The following EME2 variants were observed in gnomAD, a reference collection of about 807,000 sequenced individuals.
The protein encoded by EME2 is structure-specific endonuclease subunit EME2.
EME2 carries 58 observed loss-of-function variants against 41.9 expected under a neutral mutation model. The observed-to-expected ratio is 1.38, with a 90% confidence interval of 1.12 to 1.72. The LOEUF is 1.72. Ranked by LOEUF, EME2 falls within the 40% of genes most tolerant of loss-of-function variation. The pLI is 0.00. For synonymous variants in EME2, 334 were observed against 239.3 expected (o/e 1.40, Z -3.65); for missense variants, 695 against 541.9 (o/e 1.28, Z -2.81).
rs1172662109 is a variant in EME2, at chr16:1,775,572, C to T, written c.667C>T (p.Leu223=). The T allele has an allele frequency of 1.2e-6, 2 of 1,612,816 alleles. No homozygotes were observed. The highest frequency in any genetic ancestry group is 1.7e-6 in the Non-Finnish European group (2 of 1,179,966). ...CATCAGCTTGCCTCCTCCCCAGGCC[C>T]TGGTACTCCTGCAGCTCTGGGCAAA... The part of the protein sequence containing the change: ...AVSWPEVEEA[L]VLLQLWANLD... The change falls in exon 6 of 8, where the codon CTG becomes TTG. Residue 223 remains leucine (L), a synonymous_variant. Coordinates refer to ENST00000568449, the MANE Select transcript of EME2 (RefSeq NM_001257370.2).
chr16:1,778,316 C>A lies in EME2; in HGVS notation c.*2078C>A. Reference sequence around the variant, plus strand: ...TTATTTAAGTCATCCCAGACCCAGTCGAAATCTGCAAGAGAGGCCCAGGCT... The same window carrying A: ...TTATTTAAGTCATCCCAGACCCAGTAGAAATCTGCAAGAGAGGCCCAGGCT... On this transcript the variant is annotated 3_prime_UTR_variant, in exon 8 of 8. Coordinates refer to ENST00000568449, the MANE Select transcript of EME2 (RefSeq NM_001257370.2). 2 of 1,612,240 alleles carry A rather than the reference C, an allele frequency of 1.2e-6. No individual in the cohort carries two copies. Among genetic ancestry groups the A allele is most frequent in the South Asian group, 2.2e-5 (2 of 91,038 alleles).
In EME2 at chr16:1,775,668, G is replaced by C. The variant is rs376746938; in HGVS notation, c.763G>C (p.Ala255Pro). 6.2e-7 allele frequency: 1 copy of C among 1,612,778 alleles called. No homozygotes were observed. Among genetic ancestry groups the C allele is most frequent in the African/African-American group, 1.3e-5 (1 of 74,932 alleles). Residue 255 changes from alanine to proline, a missense_variant, in exon 6 of 8, where the codon GCC becomes CCC. Transcript: ENST00000568449. ...CGTGTGCGCCGTTACCAAGGCTCTC[G>C]CCCAGTATCCCCTCAAGTGCGTGAT... ...RHVCAVTKAL[A>P]QYPLKQYRES...
rs1303372816 is a variant in EME2, at chr16:1,773,180, C to T, written c.-48C>T. ...CACCGGAAGAGGCCGGTGTCCCAGG[C>T]TAAAGTGTTCGGTCGCGGCCGGAAG... is the stretch of plus-strand genomic sequence containing the variant. On this transcript the variant is annotated 5_prime_UTR_variant, in exon 1 of 8. Transcript: ENST00000568449. 1 of 1,431,314 alleles carries T rather than the reference C, an allele frequency of 7.0e-7. No homozygotes were observed. The highest frequency in any genetic ancestry group is 2.9e-5 in the Admixed American group (1 of 34,478). 88.7% of individuals were successfully genotyped at this position (1,431,314 alleles called of 1,614,324 possible).
chr16:1,773,062 C>T lies in EME2; in HGVS notation c.-166C>T. On this transcript the variant is annotated 5_prime_UTR_variant, in exon 1 of 8. Transcript: ENST00000568449. Reference sequence around the variant, plus strand: ...GGCCTGTTCAGTTGCTCCCGCAGGGCGCGCACGCGGCGGGCCAGCTCCGCG... The same window carrying T: ...GGCCTGTTCAGTTGCTCCCGCAGGGTGCGCACGCGGCGGGCCAGCTCCGCG... 2 of 1,419,664 alleles carry T rather than the reference C, an allele frequency of 1.4e-6. No homozygotes were observed. Among genetic ancestry groups the T allele is most frequent in the South Asian group, 3.1e-5 (2 of 65,024 alleles). 87.9% of individuals were successfully genotyped at this position (1,419,664 alleles called of 1,614,324 possible). A position where few individuals can be genotyped will look rare whatever the true frequency, so the allele number is the denominator to read the frequency against.
chr16:1,774,486 G>A, intron 3 of EME2, 134 bp downstream of exon 3: 1 of 696,034 alleles, frequency 1.4e-6, no homozygotes, highest in South Asian at 1.7e-5. Context: ...ACTCCTCTCT[G>A]ATCCAAAGCC....
In EME2 at chr16:1,773,371, G is replaced by A; in HGVS notation, c.144G>A (p.Ala48=). 6.5e-7 allele frequency: 1 copy of A among 1,531,906 alleles called. No homozygotes were observed. Among genetic ancestry groups the A allele is most frequent in the African/African-American group, 1.4e-5 (1 of 70,370 alleles). The allele number at this position is 1,531,906 out of a possible 1,614,324, so 94.9% of individuals were successfully genotyped here. Residue 48 remains alanine, a synonymous_variant, in exon 1 of 8, where the codon GCG becomes GCA. Coordinates refer to ENST00000568449, the MANE Select transcript of EME2 (RefSeq NM_001257370.2). ...AEDSAGSEAA[A]RARDPAGERR... is the part of the protein sequence containing the mutation. ...ACTCCGCCGGCTCGGAGGCCGCCGC[G>A]AGAGCCCGGGACCCAGCGGGTGAGC...
At position 1,781,580 on chromosome 16, in the gene EME2, A is replaced by T; in HGVS notation, c.*5342A>T. ...TCCAGGCTGGGCCACGGACCCACTC[A>T]AAGTGGGGACTGCAGGGGCCGCACC... On this transcript the variant is annotated 3_prime_UTR_variant, in exon 8 of 8. Coordinates refer to ENST00000568449, the MANE Select transcript of EME2 (RefSeq NM_001257370.2). The T allele has an allele frequency of 6.8e-7, 1 of 1,468,090 alleles. No homozygotes were observed. The highest frequency in any genetic ancestry group is 9.2e-7 in the Non-Finnish European group (1 of 1,085,428). 90.9% of individuals were successfully genotyped at this position (1,468,090 alleles called of 1,614,324 possible).
In EME2 at chr16:1,776,199, C is replaced by T. The variant is rs1319030015; in HGVS notation, c.1101C>T (p.Thr367=). The change falls in exon 8 of 8, where the codon ACC becomes ACT. Residue 367 remains threonine (T), a synonymous_variant. Transcript: ENST00000568449. ...DLSRRICLFL[T]TANPDLLLDL... is the part of the protein sequence containing the mutation. ...CCCGCCGCATCTGCCTCTTCCTGAC[C>T]ACAGCCAACCCTGATCTCCTGCTGG... 2 of 1,612,640 alleles carry T rather than the reference C, an allele frequency of 1.2e-6. No homozygotes were observed. Among genetic ancestry groups the T allele is most frequent in the Middle Eastern group, 1.7e-4 (1 of 6,060 alleles).
chr16:1,773,464 C>A lies in EME2; in HGVS notation c.237C>A (p.Cys79Ter). The A allele has an allele frequency of 6.3e-7, 1 of 1,578,344 alleles. No individual in the cohort carries two copies. Among genetic ancestry groups the A allele is most frequent in the Admixed American group, 1.7e-5 (1 of 57,180 alleles). ...PEQVLKRLAVCVDTAILEDAG... is the reference protein window; with the variant it reads ...PEQVLKRLAV ...AGGTCCTGAAGCGCCTCGCGGTGTG[C>A]GTGGACACAGGTGCGGCGGAGGGCA... The change falls in exon 1 of 8, where the codon TGC becomes TGA. Residue 79 changes from cysteine to a stop codon, truncating the protein, a stop_gained. Transcript: ENST00000568449. LOFTEE classifies it high-confidence loss of function.
Position 1,776,618 on chromosome 16 carries a change from T to A in EME2, c.*380T>A, listed in dbSNP as rs2042716728. The A allele has an allele frequency of 3.4e-6, 1 of 296,000 alleles. No homozygotes were observed. Among genetic ancestry groups the A allele is most frequent in the South Asian group, 6.1e-5 (1 of 16,354 alleles). The allele number at this position is 296,000 out of a possible 1,614,324, so 18.3% of individuals were successfully genotyped here. The stretch of plus-strand genomic sequence containing the variant: ...CCCTCAGCCAGAAGCAGTAGGGGAC[T>A]CCCAAGGATGTGGAGGGGCAGTGAG... On this transcript the variant is annotated 3_prime_UTR_variant, in exon 8 of 8. Coordinates refer to ENST00000568449, the MANE Select transcript of EME2 (RefSeq NM_001257370.2).
chr16:1,775,271 G>T (rs1461511135), intron 4 of EME2, 44 bp from the exon 5 acceptor site: 1 of 1,600,582 alleles, frequency 6.2e-7, no homozygotes, highest in Non-Finnish European at 8.5e-7. Context: ...CTCGGGCAGG[G>T]CAGGCCCCAT....
chr16:1,774,482 C>T (rs925757296), intron 3 of EME2, 130 bp downstream of exon 3: 17 of 713,750 alleles, frequency 2.4e-5, no homozygotes, highest in East Asian at 1.9e-4. Context: ...CAGGACTCCT[C>T]TCTGATCCAA....
rs756922722 is a variant in EME2, at chr16:1,780,971, G to A, written c.*4733G>A. On this transcript the variant is annotated 3_prime_UTR_variant, in exon 8 of 8. Transcript: ENST00000568449. ...AGGTCTCAAACTCCTGGGCTCAAGT[G>A]GTCCTCCAGCTTCAGCCTCCCAAAG... is the stretch of plus-strand genomic sequence containing the variant. The A allele has an allele frequency of 1.9e-5, 7 of 365,878 alleles. No homozygotes were observed. Among genetic ancestry groups the A allele is most frequent in the Admixed American group, 3.9e-5 (1 of 25,508 alleles). 22.7% of individuals were successfully genotyped at this position (365,878 alleles called of 1,614,324 possible). A position where few individuals can be genotyped will look rare whatever the true frequency, so the allele number is the denominator to read the frequency against.
Position 1,781,414 on chromosome 16 carries a change from C to A in EME2, c.*5176C>A. 1.2e-6 allele frequency: 2 copies of A among 1,612,878 alleles called. No homozygotes were observed. Among genetic ancestry groups the A allele is most frequent in the Non-Finnish European group, 1.7e-6 (2 of 1,180,004 alleles). On this transcript the variant is annotated 3_prime_UTR_variant, in exon 8 of 8. Coordinates refer to ENST00000568449, the MANE Select transcript of EME2 (RefSeq NM_001257370.2). Reference sequence around the variant, plus strand: ...GAGCCTGCTAGAGCCACGGCCCGGGCATCTGCGTCTCGGCGGGCTGCACTC... The same window carrying A: ...GAGCCTGCTAGAGCCACGGCCCGGGAATCTGCGTCTCGGCGGGCTGCACTC...
Position 1,781,604 on chromosome 16 carries a change from C to T in EME2, c.*5366C>T. On this transcript the variant is annotated 3_prime_UTR_variant, in exon 8 of 8. Coordinates refer to ENST00000568449, the MANE Select transcript of EME2 (RefSeq NM_001257370.2). ...CAAAGTGGGGACTGCAGGGGCCGCACCGGTGCCCAGCCAGGGCTCCAGAAC... is the reference window on the plus strand; with the variant it reads ...CAAAGTGGGGACTGCAGGGGCCGCATCGGTGCCCAGCCAGGGCTCCAGAAC... The T allele has an allele frequency of 8.2e-7, 1 of 1,226,072 alleles. No individual in the cohort carries two copies. The highest frequency in any genetic ancestry group is 1.1e-6 in the Non-Finnish European group (1 of 888,272). The allele number at this position is 1,226,072 out of a possible 1,614,324, so 75.9% of individuals were successfully genotyped here. A position where few individuals can be genotyped will look rare whatever the true frequency, so the allele number is the denominator to read the frequency against.
rs2141987387 is a variant in EME2 at position 1,778,056 on chromosome 16, C to G, written c.*1818C>G. On this transcript the variant is annotated 3_prime_UTR_variant, in exon 8 of 8. Coordinates refer to ENST00000568449, the MANE Select transcript of EME2 (RefSeq NM_001257370.2). ...CGTCCCGATGCCCACCATCTAGGAACAGGGGCCAGGCAGAGGGCGCGGGGC... is the reference window on the plus strand; with the variant it reads ...CGTCCCGATGCCCACCATCTAGGAAGAGGGGCCAGGCAGAGGGCGCGGGGC... 1 of 1,613,164 alleles carries G rather than the reference C, an allele frequency of 6.2e-7. No homozygotes were observed. Among genetic ancestry groups the G allele is most frequent in the East Asian group, 2.2e-5 (1 of 44,872 alleles).
rs534007365 is a variant in EME2, at chr16:1,773,094, C to T, written c.-134C>T. On this transcript the variant is annotated 5_prime_UTR_variant, in exon 1 of 8. Coordinates refer to ENST00000568449, the MANE Select transcript of EME2 (RefSeq NM_001257370.2). ...GCGGCGGGCCAGCTCCGCGATCAGCCGCGGACGCACCTTCTTCCGCGCCAT... is the reference window on the plus strand; with the variant it reads ...GCGGCGGGCCAGCTCCGCGATCAGCTGCGGACGCACCTTCTTCCGCGCCAT... The T allele has an allele frequency of 3.3e-5, 46 of 1,404,388 alleles. No homozygotes were observed. In the African/African-American group the frequency reaches 4.5e-4, roughly 14 times the overall value. The allele number at this position is 1,404,388 out of a possible 1,614,324, so 87.0% of individuals were successfully genotyped here. A position where few individuals can be genotyped will look rare whatever the true frequency, so the allele number is the denominator to read the frequency against.
rs200573279 is a variant in EME2, at chr16:1,777,140, C to A, written c.*902C>A. On this transcript the variant is annotated 3_prime_UTR_variant, in exon 8 of 8. Transcript: ENST00000568449. ...CTTCCTCTGGCAGGGCCGAGGCTCG[C>A]GACTGCTGGGGTGGGCGGAGGTCGC... 4.3e-6 allele frequency: 7 copies of A among 1,611,638 alleles called. No homozygotes were observed. Among genetic ancestry groups the A allele is most frequent in the Non-Finnish European group, 5.1e-6 (6 of 1,179,756 alleles).
At chr16:1,775,458 T>C (rs1481391574) in intron 5 of EME2, 50 bp downstream of exon 5, 3 of 1,601,926 alleles carry the variant, frequency 1.9e-6, no homozygotes, top group East Asian at 2.2e-5. Flanking sequence ...GTCCCAGTGA[T>C]TGGGCTGCTG....
Sources: allele counts gnomAD v4.1 joint callset, GRCh38; gene constraint gnomAD v4.1.1; transcripts MANE v1.5; gene names NCBI Gene and HGNC (gene_info 2026-07-23, HGNC 2026-07-21).